Variants in INPP5K observed in about 807,000 individuals in gnomAD.
The protein encoded by INPP5K is inositol polyphosphate-5-phosphatase K, also known as inositol polyphosphate 5-phosphatase K.
In INPP5K, 35 loss-of-function variants were observed where a neutral mutation model predicts 53.5. The ratio of observed to expected loss-of-function variants is 0.65; its 90% CI spans 0.50 to 0.87. INPP5K has a LOEUF of 0.87. INPP5K is among the 40% of genes least tolerant of loss of function. The probability of loss-of-function intolerance (pLI) is 0.00; values close to 1 mark genes in which losing one functional copy is unlikely to be tolerated. For synonymous variants in INPP5K, 253 were observed against 232.8 expected (o/e 1.09, Z -0.79); for missense variants, 550 against 586.2 (o/e 0.94, Z 0.64).
chr17:1,510,909 G>A (rs1200154495), intron 3 of INPP5K, among the ~76,000 whole-genome samples: 1 of 152,170 alleles, frequency 6.6e-6, no homozygotes, highest in Non-Finnish European at 1.5e-5. Context: ...TTACAGGCAT[G>A]AGCCACTGTA....
intron 6 of INPP5K, 79 bp from the exon 7 acceptor site, chr17:1,507,168 G>T: frequency 9.7e-7 from 1 of 1,033,122 alleles, no homozygotes; most frequent in Non-Finnish European, 1.5e-6. Flanking sequence ...CAAGGGATCA[G>T]CACATGCCGT....
chr17:1,497,285 C>A (rs1382885764), intron 8 of INPP5K, among the ~76,000 whole-genome samples: 1 of 152,172 alleles, frequency 6.6e-6, no homozygotes, highest in Non-Finnish European at 1.5e-5. Context: ...CTAGCCTGGG[C>A]AACATAGTGA....
intron 7 of INPP5K, among the ~76,000 whole-genome samples, chr17:1,503,551 C>T (rs559562453): frequency 6.6e-6 from 1 of 151,796 alleles, no homozygotes; most frequent in South Asian, 2.1e-4. Flanking sequence ...CTCATCTCTA[C>T]TAAAAATACA....
intron 7 of INPP5K, among the ~76,000 whole-genome samples, chr17:1,501,815 A>ATGG (rs1269452912): frequency 6.2e-5 from 9 of 145,730 alleles, no homozygotes; most frequent in Non-Finnish European, 9.1e-5. Context: ...TCAGGAGTTC[A>ATGG]AGACCAGCCT....
intron 1 of INPP5K, 91 bp downstream of exon 1, chr17:1,516,365 G>A (rs923087986): frequency 2.2e-6 from 3 of 1,345,354 alleles, no homozygotes; most frequent in African/African-American, 1.5e-5. Flanking sequence ...GGCAGTCATG[G>A]AGGTCTGGTG....
chr17:1,501,432 T>C (rs2075010684), intron 7 of INPP5K, among the ~76,000 whole-genome samples: 1 of 152,226 alleles, frequency 6.6e-6, no homozygotes, highest in African/African-American at 2.4e-5. Context: ...TGTATGCCCC[T>C]GGGCAAGTGA....
Position 1,513,876 on chromosome 17 carries a change from T to C in INPP5K, c.148A>G (p.Ile50Val), listed in dbSNP as rs372177800. Residue 50 changes from isoleucine (I) to valine (V), a missense_variant, in exon 2 of 12, where the codon ATT becomes GTT. Ile to Val is a conservative substitution (Grantham distance 29). Transcript: ENST00000421807. Reference protein sequence around the residue: ...NRNLNLDIYVIGLQELNSGII... With the variant: ...NRNLNLDIYVVGLQELNSGII... Reference sequence around the variant, plus strand: ...AAGGAGCCTGCAGATACCTACCCAATAACATATATGTCAAGATTGAGGTTC... The same window carrying C: ...AAGGAGCCTGCAGATACCTACCCAACAACATATATGTCAAGATTGAGGTTC... The C allele has an allele frequency of 1.6e-5, 25 of 1,609,854 alleles. No individual in the cohort carries two copies. In the African/African-American group the frequency reaches 2.5e-4, roughly 16 times the overall value.
Position 1,496,731 on chromosome 17 carries a change from T to C in INPP5K, c.1036A>G (p.Met346Val), listed in dbSNP as rs544360903. 4 of 1,613,960 alleles carry C rather than the reference T, an allele frequency of 2.5e-6. No individual in the cohort carries two copies. The East Asian group carries it at 8.9e-5, about 36-fold the overall frequency. The change falls in exon 9 of 12, where the codon ATG becomes GTG. Residue 346 changes from methionine to valine, a missense_variant. By Grantham distance (21) the Met-to-Val change is conservative. Coordinates refer to ENST00000421807, the MANE Select transcript of INPP5K (RefSeq NM_016532.4). ...TCCGAGGTTGAAGAGTAGCTGACCA[T>C]CATGTCATTTTCCACGGTCCACAGG... ...EDLWTVENDM[M>V]VSYSSTSDFP...
chr17:1,496,758 C>A lies in INPP5K; in HGVS notation c.1009G>T (p.Asp337Tyr), dbSNP rs914141112. Residue 337 changes from aspartate (D) to tyrosine (Y), a missense_variant, in exon 9 of 12, where the codon GAC (aspartate) becomes TAC (tyrosine). Transcript: ENST00000421807. ...SAPLIVLMPE[D>Y]LWTVENDMMV... is the part of the protein sequence containing the mutation. ...ATGTCATTTTCCACGGTCCACAGGTCCTCGGGCATCAGGACGATCAGCGGA... is the reference window on the plus strand; with the variant it reads ...ATGTCATTTTCCACGGTCCACAGGTACTCGGGCATCAGGACGATCAGCGGA... 1 of 1,614,190 alleles carries A rather than the reference C, an allele frequency of 6.2e-7. No individual in the cohort carries two copies. The highest frequency in any genetic ancestry group is 8.5e-7 in the Non-Finnish European group (1 of 1,180,024).
rs1425280051 is a variant in INPP5K at position 1,496,134 on chromosome 17, T to C, written c.1216A>G (p.Thr406Ala). ...VYIDISNIPT[T>A]EDEFLLCYYS... ...TAACAGAGGAGAAACTCATCTTCAG[T>C]GGTAGGGATATTGCTGATGTCGATG... is the stretch of plus-strand genomic sequence containing the variant. The change falls in exon 11 of 12, where the codon ACT (threonine) becomes GCT (alanine). Residue 406 changes from threonine to alanine, a missense_variant. Physicochemically the swap from Thr to Ala is moderately conservative, Grantham distance 58 (BLOSUM62 0). Coordinates refer to ENST00000421807, the MANE Select transcript of INPP5K (RefSeq NM_016532.4). The C allele has an allele frequency of 1.9e-6, 3 of 1,612,654 alleles. No individual in the cohort carries two copies. Among genetic ancestry groups the C allele is most frequent in the African/African-American group, 1.3e-5 (1 of 74,846 alleles).
Position 1,498,685 on chromosome 17 carries a change from G to A in INPP5K, c.777-563C>T, listed in dbSNP as rs983317364. The stretch of plus-strand genomic sequence containing the variant: ...AGTGGTGACATCACAGCTTACTGTA[G>A]CCTCAAACTACTGGGCTCAGGCGAT... On this transcript the variant is annotated intron_variant, in intron 7 of 11. Transcript: ENST00000421807. 2.0e-5 allele frequency among the ~76,000 whole-genome samples: 3 copies of A among 152,134 alleles called. No homozygotes were observed. The East Asian group carries it at 5.8e-4, about 29-fold the overall frequency.
chr17:1,514,905 CTT>C (rs774754833), intron 1 of INPP5K, among the ~76,000 whole-genome samples: 6,839 of 134,222 alleles, frequency 0.051, 131 homozygotes, highest in Non-Finnish European at 0.073. Flanking sequence ...TTCAGCGAGA[CTT>C]TTTTTTTTTT....
chr17:1,502,120 C>G (rs1026470763), intron 7 of INPP5K, among the ~76,000 whole-genome samples: 2 of 151,858 alleles, frequency 1.3e-5, no homozygotes, highest in East Asian at 3.9e-4. Flanking sequence ...GAGGCCAAGG[C>G]GGGCAGATCA....
In INPP5K at chr17:1,511,041, A is replaced by G. The variant is rs1027487425; in HGVS notation, c.262-1242T>C. 5.3e-5 allele frequency among the ~76,000 whole-genome samples: 8 copies of G among 152,118 alleles called. No individual in the cohort carries two copies. The South Asian group carries it at 6.2e-4, about 12-fold the overall frequency. On this transcript the variant is annotated intron_variant, in intron 3 of 11. Transcript: ENST00000421807. ...TACATTATAGCTCAGTGAAAAAAAAATAAGAAAATGCTCCCCCCAAACCCC... is the reference window on the plus strand; with the variant it reads ...TACATTATAGCTCAGTGAAAAAAAAGTAAGAAAATGCTCCCCCCAAACCCC...
At chr17:1,515,584 A>G in intron 1 of INPP5K, 1 of 985,680 alleles carries the variant, frequency 1.0e-6, no homozygotes, top group African/African-American at 1.7e-5. Flanking sequence ...GCAGCTGGAG[A>G]TCTGGAATGG....
At chr17:1,509,825 G>A (rs372441732) in intron 3 of INPP5K, 26 bp from the exon 4 acceptor site, 26 of 1,483,476 alleles carry the variant, frequency 1.8e-5, no homozygotes, top group South Asian at 1.6e-4. Context: ...GGCAAAGGTC[G>A]CTCATTAAAC....
At chr17:1,515,997 G>A in intron 1 of INPP5K, 1 of 998,400 alleles carries the variant, frequency 1.0e-6, no homozygotes, top group Non-Finnish European at 1.2e-6. Context: ...GATTAGCGTT[G>A]TTCCCCGTGA....
At chr17:1,508,537 G>A (rs573441259) in intron 5 of INPP5K, 1 of 378,334 alleles carries the variant, frequency 2.6e-6, no homozygotes, top group Admixed American at 4.3e-5. Context: ...GAGCCACAAG[G>A]TCCTTGACCT....
chr17:1,508,389 T>C, intron 5 of INPP5K, 163 bp from the exon 6 acceptor site: 1 of 632,620 alleles, frequency 1.6e-6, no homozygotes, highest in South Asian at 1.8e-5. Context: ...ACTGTTCTCA[T>C]GGCTCCTAAA....
Sources: gnomAD v4.1 joint callset for allele counts (sites outside exome capture counted in the v4.1 genomes callset) on GRCh38, gnomAD v4.1.1 for gene constraint, MANE v1.5 for transcripts, NCBI Gene and HGNC (gene_info 2026-07-23, HGNC 2026-07-21) for gene names.